Variants in ZAP70 observed in about 807,000 individuals in gnomAD.
ZAP70 encodes the protein tyrosine-protein kinase ZAP-70.
Under a neutral mutation model 65.8 loss-of-function variants are expected in ZAP70, and 27 were observed. That is an observed-to-expected ratio of 0.41 (90% CI 0.30 to 0.57). ZAP70 has a LOEUF of 0.57. Among genes scored for constraint, ZAP70 ranks in the 20% least tolerant of loss-of-function variants. The pLI is 0.28. For synonymous variants in ZAP70, 363 were observed against 360.8 expected (o/e 1.01, Z -0.07); for missense variants, 696 against 870.5 (o/e 0.80, Z 2.52).
chr2:97,721,965 A>G (rs1339416500), intron 2 of ZAP70, among the ~76,000 whole-genome samples: 1 of 151,070 alleles, frequency 6.6e-6, no homozygotes, highest in Non-Finnish European at 1.5e-5. Flanking sequence ...TTGTATTTTT[A>G]GTAGAGACGG....
chr2:97,722,181 C>T (rs115300784), intron 2 of ZAP70, among the ~76,000 whole-genome samples: 5,181 of 151,966 alleles, frequency 0.034, 296 homozygotes, highest in African/African-American at 0.12. Context: ...CTTGGGTTCA[C>T]GAGGTTCTCC....
the ZAP70 span, among the ~76,000 whole-genome samples, chr2:97,745,490 CAATT>C: frequency 3.3e-5 from 5 of 152,202 alleles, no homozygotes; most frequent in Non-Finnish European, 5.9e-5. Flanking sequence ...ATATCCAACT[CAATT>C]AACTGGGCAA....
In ZAP70 at chr2:97,739,622, G is replaced by A. The variant is rs201087809; in HGVS notation, c.*124G>A. 4.2e-6 allele frequency: 6 copies of A among 1,423,740 alleles called. No individual in the cohort carries two copies. The highest frequency in any genetic ancestry group is 5.7e-6 in the Non-Finnish European group (6 of 1,057,746). The allele number at this position is 1,423,740 out of a possible 1,614,324, so 88.2% of individuals were successfully genotyped here. A position where few individuals can be genotyped will look rare whatever the true frequency, so the allele number is the denominator to read the frequency against. On this transcript the variant is annotated 3_prime_UTR_variant, in exon 14 of 14. Coordinates refer to ENST00000264972, the MANE Select transcript of ZAP70 (RefSeq NM_001079.4). ...ACACACAGCTGGGCTGTGGTAGGGGGTGTCTCAGGCCACACCGGCCTTGCA... is the reference window on the plus strand; with the variant it reads ...ACACACAGCTGGGCTGTGGTAGGGGATGTCTCAGGCCACACCGGCCTTGCA...
rs753623803 is a variant in ZAP70 at position 97,739,425 on chromosome 2, G to T, written c.1787G>T (p.Cys596Phe). The change falls in exon 14 of 14, where the codon TGT becomes TTT. Residue 596 changes from cysteine to phenylalanine, a missense_variant. Cys to Phe is a radical substitution (Grantham distance 205, BLOSUM62 -2). Transcript: ENST00000264972. ...ACCGTGGAGCAGCGCATGCGAGCCT[G>T]TTACTACAGCCTGGCCAGCAAGGTG... ...FLTVEQRMRACYYSLASKVEG... is the reference protein window; with the variant it reads ...FLTVEQRMRAFYYSLASKVEG... 3 of 1,613,726 alleles carry T rather than the reference G, an allele frequency of 1.9e-6. No homozygotes were observed. Among genetic ancestry groups the T allele is most frequent in the African/African-American group, 2.7e-5 (2 of 74,944 alleles).
chr2:97,734,327 A>G, intron 8 of ZAP70, 193 bp from the exon 9 acceptor site: 1 of 1,418,568 alleles, frequency 7.0e-7, no homozygotes. Flanking sequence ...TTCATGGGGC[A>G]CCCACAGCTG....
At chr2:97,723,934 G>A in intron 2 of ZAP70, 82 bp from the exon 3 acceptor site, 2 of 1,466,842 alleles carry the variant, frequency 1.4e-6, no homozygotes, top group Non-Finnish European at 1.8e-6. Flanking sequence ...CCTCCACTTG[G>A]CGTCTCTCGC....
intron 2 of ZAP70, among the ~76,000 whole-genome samples, chr2:97,721,144 G>T (rs1031296866): frequency 6.6e-6 from 1 of 152,154 alleles, no homozygotes; most frequent in African/African-American, 2.4e-5. Flanking sequence ...AAAATAGAAA[G>T]AATTAACTGT....
chr2:97,732,121 C>T (rs1221546419), intron 4 of ZAP70, among the ~76,000 whole-genome samples: 2 of 152,128 alleles, frequency 1.3e-5, no homozygotes. Context: ...TCTTACCCCA[C>T]AAATGCACCA....
chr2:97,750,373 G>T, the ZAP70 span, among the ~76,000 whole-genome samples: 1 of 152,216 alleles, frequency 6.6e-6, no homozygotes, highest in Non-Finnish European at 1.5e-5. Flanking sequence ...AGCTTATTTG[G>T]GGGGTGGGTC....
chr2:97,731,901 G>C lies in ZAP70; in HGVS notation c.564-982G>C, dbSNP rs1677625065. ...GCTTCCGGCCTCCACAGCTTCCACG[G>C]GGCCAGCTGCCCTCCCTCCTCACTG... On this transcript the variant is annotated intron_variant, in intron 4 of 13. Transcript: ENST00000264972. This position sits in a 1 kb window ranked among gnomAD's most constrained non-coding sequence, Gnocchi z 4.0. Among the ~76,000 whole-genome samples, 1 of 152,154 alleles carries C rather than the reference G, an allele frequency of 6.6e-6. No homozygotes were observed.
intron 8 of ZAP70, chr2:97,733,905 C>T: frequency 3.9e-6 from 2 of 507,906 alleles, no homozygotes; most frequent in African/African-American, 1.9e-5. Context: ...GCCACCGAAC[C>T]CTCCTGACAT....
chr2:97,719,576 C>G (rs2104647919), intron 2 of ZAP70, among the ~76,000 whole-genome samples: 1 of 151,610 alleles, frequency 6.6e-6, no homozygotes, highest in Non-Finnish European at 1.5e-5. Context: ...CAGACCAGGT[C>G]TGGCTGAGAG....
At chr2:97,739,950 G>A (rs1258161129), downstream of ZAP70, 1 of 178,534 alleles carries the variant, frequency 5.6e-6, no homozygotes, top group Non-Finnish European at 1.2e-5. Context: ...GTTCTTGTGT[G>A]GACTGAGCCT....
chr2:97,733,157 GC>G lies in ZAP70; in HGVS notation c.736del (p.Leu246SerfsTer5). 1 of 1,613,920 alleles carries G rather than the reference GC, an allele frequency of 6.2e-7. No homozygotes were observed. The highest frequency in any genetic ancestry group is 8.5e-7 in the Non-Finnish European group (1 of 1,179,996). On this transcript the variant is annotated frameshift_variant, in exon 6 of 14. Coordinates refer to ENST00000264972, the MANE Select transcript of ZAP70 (RefSeq NM_001079.4). LOFTEE classifies it high-confidence loss of function. ...AGTATCTGAAGCTGAAGGCGGACGGGCTCATCTACTGCCTGAAGGAGGCCTG... is the reference window on the plus strand; with the variant it reads ...AGTATCTGAAGCTGAAGGCGGACGGGTCATCTACTGCCTGAAGGAGGCCTG... ...VEYLKLKADG[L>X]IYCLKEACPN...
chr2:97,719,264 C>T (rs1256373514), intron 2 of ZAP70, among the ~76,000 whole-genome samples: 1 of 140,310 alleles, frequency 7.1e-6, no homozygotes, highest in African/African-American at 2.6e-5. Flanking sequence ...CGACCTCAGT[C>T]GGGCGAGAGA....
At chr2:97,722,042 C>CA (rs2104655254) in intron 2 of ZAP70, among the ~76,000 whole-genome samples, 1 of 152,202 alleles carries the variant, frequency 6.6e-6, no homozygotes, top group East Asian at 1.9e-4. Flanking sequence ...CTTGGCCTCC[C>CA]AAAGTGCTGG....
At chr2:97,724,467 T>C (rs1210215872) in intron 3 of ZAP70, 29 bp downstream of exon 3, 9 of 1,515,692 alleles carry the variant, frequency 5.9e-6, no homozygotes, top group Non-Finnish European at 7.9e-6. Flanking sequence ...GCGCGGGGTC[T>C]GGAGGGGCGT....
In ZAP70 at chr2:97,739,369, C is replaced by T. The variant is rs201936084; in HGVS notation, c.1737-6C>T. On this transcript the variant is annotated splice_region_variant and splice_polypyrimidine_tract_variant and intron_variant, in intron 13 of 13. Transcript: ENST00000264972. ...CAGCAGCCTGGATGTACCCCACGCC[C>T]CACAGGTGGGAGGATCGCCCCGACT... 3.0e-5 allele frequency: 48 copies of T among 1,613,256 alleles called. No homozygotes were observed. Among genetic ancestry groups the T allele is most frequent in the Non-Finnish European group, 4.1e-5 (48 of 1,179,826 alleles).
At chr2:97,754,821 G>A in the ZAP70 span, among the ~76,000 whole-genome samples, 2 of 152,232 alleles carry the variant, frequency 1.3e-5, no homozygotes, top group East Asian at 1.9e-4. Context: ...TGTCCTGATC[G>A]TGCAAGTGCA....
Sources: gnomAD v4.1 joint callset for allele counts (sites outside exome capture counted in the v4.1 genomes callset) on GRCh38, gnomAD v4.1.1 for gene constraint, Gnocchi (gnomAD v3.1) non-coding constraint, MANE v1.5 for transcripts, NCBI Gene and HGNC (gene_info 2026-07-23, HGNC 2026-07-21) for gene names.